KIF18A: variants seen among roughly 807,000 people sequenced by gnomAD.
The protein encoded by KIF18A is kinesin family member 18A.
In KIF18A, 67 loss-of-function variants were observed where a neutral mutation model predicts 103.3. The observed-to-expected ratio is 0.65, with a 90% CI of 0.53 to 0.79. The LOEUF is 0.79. Ranked by LOEUF, KIF18A falls within the 30% of genes least tolerant of loss-of-function variation. KIF18A has a pLI of 0.00. For synonymous variants in KIF18A, 367 were observed against 355.5 expected (o/e 1.03, Z -0.36); for missense variants, 1,032 against 1,062.5 (o/e 0.97, Z 0.40).
chr11:28,062,557 G>C (rs1850869640), intron 11 of KIF18A, 41 bp from the exon 12 acceptor site: 1 of 1,496,576 alleles, frequency 6.7e-7, no homozygotes, highest in African/African-American at 1.4e-5. Context: ...ATCACTCTAA[G>C]AATATTGAAA....
chr11:28,095,974 G>A (rs1474547032), intron 2 of KIF18A, among the ~76,000 whole-genome samples: 7 of 144,652 alleles, frequency 4.8e-5, no homozygotes, highest in African/African-American at 1.0e-4. Flanking sequence ...TTGTACCAGC[G>A]CACTCCAGCC....
intron 7 of KIF18A, among the ~76,000 whole-genome samples, chr11:28,083,466 A>G (rs1022035202): frequency 6.6e-6 from 1 of 152,138 alleles, no homozygotes; most frequent in Non-Finnish European, 1.5e-5. Flanking sequence ...ATTTATAAGC[A>G]TGTAATTGCA....
chr11:28,043,059 T>A (rs1336902079), intron 13 of KIF18A, among the ~76,000 whole-genome samples: 2 of 151,322 alleles, frequency 1.3e-5, no homozygotes, highest in Non-Finnish European at 3.0e-5. Context: ...AAGGTGGGAG[T>A]TGGGGAGAAT....
Position 28,097,990 on chromosome 11 carries a change from T to C in KIF18A, c.-43A>G. On this transcript the variant is annotated 5_prime_UTR_variant, in exon 2 of 17. Transcript: ENST00000263181. ...CCTATCTGTATAAATACTTGAATAC[T>C]TCTCTGAAATTAAAAAAGAAAATAA... 2.2e-6 allele frequency: 3 copies of C among 1,346,962 alleles called. No individual in the cohort carries two copies. Among genetic ancestry groups the C allele is most frequent in the Non-Finnish European group, 3.0e-6 (3 of 992,620 alleles). 83.4% of individuals were successfully genotyped at this position (1,346,962 alleles called of 1,614,324 possible).
Position 28,059,156 on chromosome 11 carries a change from A to G in KIF18A, c.1718T>C (p.Leu573Ser), listed in dbSNP as rs749714559. 1 of 1,596,126 alleles carries G rather than the reference A, an allele frequency of 6.3e-7. No homozygotes were observed. The highest frequency in any genetic ancestry group is 1.1e-5 in the South Asian group (1 of 90,690). Residue 573 changes from leucine to serine, a missense_variant, in exon 13 of 17, where the codon TTG becomes TCG. Physicochemically the swap from Leu to Ser is moderately radical, Grantham distance 145. Coordinates refer to ENST00000263181, the MANE Select transcript of KIF18A (RefSeq NM_031217.4). ...EQQHRQTEAV[L>S]NALLPTLRKQ... ...TCTTAGGGTTGGAAGTAAAGCATTC[A>G]ATACTCTATATACAGAAGATGAGAA...
chr11:28,030,354 C>T (rs1309456693), intron 15 of KIF18A, among the ~76,000 whole-genome samples: 2 of 151,774 alleles, frequency 1.3e-5, no homozygotes, highest in African/African-American at 4.8e-5. Context: ...TGGAACAGAA[C>T]AGAGCCCTCA....
In KIF18A at chr11:28,091,530, C is replaced by G. The variant is rs376615499; in HGVS notation, c.484-17G>C. On this transcript the variant is annotated splice_polypyrimidine_tract_variant and intron_variant, in intron 3 of 16. Coordinates refer to ENST00000263181, the MANE Select transcript of KIF18A (RefSeq NM_031217.4). ...ATTATATACCTTAAAATAAAAAGAA[C>G]TGCTTTAGCATTGATGTAAAAAAAA... 4.4e-5 allele frequency: 61 copies of G among 1,387,570 alleles called. No homozygotes were observed. Among genetic ancestry groups the G allele is most frequent in the Admixed American group, 1.5e-4 (8 of 54,558 alleles). The allele number at this position is 1,387,570 out of a possible 1,614,324, so 86.0% of individuals were successfully genotyped here. A position where few individuals can be genotyped will look rare whatever the true frequency, so the allele number is the denominator to read the frequency against.
chr11:28,089,089 A>G (rs1026027627), intron 5 of KIF18A, among the ~76,000 whole-genome samples: 6 of 152,202 alleles, frequency 3.9e-5, no homozygotes, highest in Non-Finnish European at 5.9e-5. Flanking sequence ...TACTCGTTAG[A>G]ATGCCTTGTA....
At chr11:28,058,489 GAAAAA>G (rs34177202) in intron 13 of KIF18A, among the ~76,000 whole-genome samples, 6 of 54,244 alleles carry the variant, frequency 1.1e-4, no homozygotes, top group Admixed American at 7.1e-4. Flanking sequence ...GTTTCTACAG[GAAAAA>G]AAAAAAAAAA....
chr11:28,084,368 G>A (rs1332639808), intron 7 of KIF18A: 1 of 156,612 alleles, frequency 6.4e-6, no homozygotes, highest in Non-Finnish European at 1.4e-5. Flanking sequence ...CATCAAAGAG[G>A]TTAGGGAGAA....
At chr11:28,090,806 A>G (rs1851290849) in intron 4 of KIF18A, 79 bp from the exon 5 acceptor site, 1 of 713,976 alleles carries the variant, frequency 1.4e-6, no homozygotes, top group Non-Finnish European at 2.5e-6. Context: ...TCAAAAAACA[A>G]AAAGATTTAA....
intron 9 of KIF18A, among the ~76,000 whole-genome samples, chr11:28,079,882 G>A (rs1442794835): frequency 6.6e-6 from 1 of 151,874 alleles, no homozygotes; most frequent in African/African-American, 2.4e-5. Context: ...AGCTGCTTGA[G>A]GAAAAAGTAC....
At chr11:28,046,880 C>T (rs1850642747) in intron 13 of KIF18A, among the ~76,000 whole-genome samples, 1 of 150,320 alleles carries the variant, frequency 6.7e-6, no homozygotes, top group Non-Finnish European at 1.5e-5. Flanking sequence ...GGTGAAACCC[C>T]TTCTCTACTA....
rs143549603 is a variant in KIF18A, at chr11:28,054,806, C to T, written c.1948+4120G>A. Reference sequence around the variant, plus strand: ...TCTAATATGTGTTCAAGAGAAAACACGTTAATTATAAAATGTAACATGGCT... The same window carrying T: ...TCTAATATGTGTTCAAGAGAAAACATGTTAATTATAAAATGTAACATGGCT... On this transcript the variant is annotated intron_variant, in intron 13 of 16. Transcript: ENST00000263181. Among the ~76,000 whole-genome samples the T allele has an allele frequency of 2.7e-3, 412 of 152,176 alleles. 3 individuals carry two copies. Among genetic ancestry groups the T allele is most frequent in the African/African-American group, 9.5e-3 (396 of 41,520 alleles).
chr11:28,090,605 G>A lies in KIF18A; in HGVS notation c.699+12C>T, dbSNP rs1157680423. ...ATCCAATTTTAAGAGTGATAGTCTA[G>A]TGGCCTCTTACTTGGAAAACAGCAT... On this transcript the variant is annotated intron_variant, in intron 5 of 16. Transcript: ENST00000263181. 7.6e-7 allele frequency: 1 copy of A among 1,318,172 alleles called. No individual in the cohort carries two copies. 81.7% of individuals were successfully genotyped at this position (1,318,172 alleles called of 1,614,324 possible).
intron 16 of KIF18A, among the ~76,000 whole-genome samples, chr11:28,022,888 G>C (rs1260459270): frequency 1.3e-5 from 2 of 152,162 alleles, no homozygotes; most frequent in Admixed American, 6.5e-5. Flanking sequence ...TAATCAAAGG[G>C]CATCGACAGA....
intron 15 of KIF18A, among the ~76,000 whole-genome samples, chr11:28,025,709 CAAAG>C (rs1850309908): frequency 6.6e-6 from 1 of 151,856 alleles, no homozygotes; most frequent in African/African-American, 2.4e-5. Context: ...TCATAAACTA[CAAAG>C]ACTTAAAACT....
chr11:28,057,750 G>A (rs1375468804), intron 13 of KIF18A, among the ~76,000 whole-genome samples: 1 of 152,040 alleles, frequency 6.6e-6, no homozygotes, highest in Non-Finnish European at 1.5e-5. Flanking sequence ...ATACACAGAT[G>A]TGTTCTCTGA....
Position 28,057,447 on chromosome 11 carries a change from G to A in KIF18A, c.1948+1479C>T, listed in dbSNP as rs768757724. ...GGAGAATGGTGTGAACCCAGGAGAC[G>A]GAGCTTGCAGTGAGCAGAGATCGCG... On this transcript the variant is annotated intron_variant, in intron 13 of 16. Transcript: ENST00000263181. Among the ~76,000 whole-genome samples, 6 of 152,202 alleles carry A rather than the reference G, an allele frequency of 3.9e-5. No individual in the cohort carries two copies. The South Asian group carries it at 6.2e-4, about 16-fold the overall frequency.
Sources: allele counts gnomAD v4.1 joint callset (sites outside exome capture counted in the v4.1 genomes callset), GRCh38; gene constraint gnomAD v4.1.1; transcripts MANE v1.5; gene names NCBI Gene and HGNC (gene_info 2026-07-23, HGNC 2026-07-21).